CX3CR1: variants seen among roughly 807,000 people sequenced by gnomAD.
CX3CR1 encodes C-X3-C motif chemokine receptor 1, also known as CX3C chemokine receptor 1.
For synonymous variants in CX3CR1, 168 were observed against 178.5 expected (o/e 0.94, Z 0.47); for missense variants, 363 against 432.4 (o/e 0.84, Z 1.42).
At chr3:39,284,683 T>G (rs76121300), upstream of CX3CR1, among the ~76,000 whole-genome samples, 2,662 of 152,352 alleles carry the variant, frequency 0.017, 72 homozygotes, top group African/African-American at 0.06. Context: ...ATCTCTTTTT[T>G]ACTTTCACTT....
At chr3:39,292,042 T>C in the CX3CR1 span, among the ~76,000 whole-genome samples, 1 of 152,166 alleles carries the variant, frequency 6.6e-6, no homozygotes, top group African/African-American at 2.4e-5. Flanking sequence ...CTTGTGGTAA[T>C]CACATGAAGT....
At chr3:39,277,372 A>G (rs548557143) in intron 1 of CX3CR1, among the ~76,000 whole-genome samples, 139 of 152,292 alleles carry the variant, frequency 9.1e-4, no homozygotes, top group African/African-American at 3.2e-3. Flanking sequence ...AGAGAGCCCA[A>G]CTTCTCGGAA....
rs56040876 is a variant in CX3CR1 at position 39,275,943 on chromosome 3, C to T, written c.-10+4011G>A. On this transcript the variant is annotated intron_variant, in intron 1 of 1. Coordinates refer to ENST00000399220, the MANE Select transcript of CX3CR1 (RefSeq NM_001337.4). Reference sequence around the variant, plus strand: ...TCACAAAAAAAAAAAAAAAAATCTGCCGTTTGAGCTGATGTTTTAAGGATG... The same window carrying T: ...TCACAAAAAAAAAAAAAAAAATCTGTCGTTTGAGCTGATGTTTTAAGGATG... Among the ~76,000 whole-genome samples the T allele has an allele frequency of 4.1e-3, 605 of 146,708 alleles. 8 individuals are homozygous for T. Among genetic ancestry groups the T allele is most frequent in the African/African-American group, 0.014 (574 of 40,122 alleles).
Position 39,265,812 on chromosome 3 carries a change from A to G in CX3CR1, c.698T>C (p.Ile233Thr). Residue 233 changes from isoleucine to threonine, a missense_variant, in exon 2 of 2, where the codon ATC becomes ACC. Physicochemically the swap from Ile to Thr is moderately conservative, Grantham distance 89 (BLOSUM62 -1). Transcript: ENST00000399220. ...NHKKAKAIKL[I>T]LLVVIVFFLF... The stretch of plus-strand genomic sequence containing the variant: ...GAAAAACACGATGACCACCAGAAGG[A>G]TCAGTTTAATGGCTTTGGCTTTCTT... 1.2e-6 allele frequency: 2 copies of G among 1,614,150 alleles called. No homozygotes were observed. The highest frequency in any genetic ancestry group is 1.7e-6 in the Non-Finnish European group (2 of 1,179,972).
chr3:39,279,843 C>G (rs1364671334), intron 1 of CX3CR1, 111 bp downstream of exon 1: 18 of 353,702 alleles, frequency 5.1e-5, no homozygotes, highest in Non-Finnish European at 6.7e-5. Flanking sequence ...TACAACATCC[C>G]CAGGAAAATG....
rs553474922 is a variant in CX3CR1 at position 39,266,677 on chromosome 3, C to T, written c.-9-159G>A. ...CACTTGCCATCTTGTTTAATCCCCA[C>T]AACAGTCTTGTGATGAAGACTGCAA... On this transcript the variant is annotated intron_variant, in intron 1 of 1. Coordinates refer to ENST00000399220, the MANE Select transcript of CX3CR1 (RefSeq NM_001337.4). 5.2e-4 allele frequency: 419 copies of T among 798,726 alleles called. 2 individuals are homozygous for T. Among genetic ancestry groups the T allele is most frequent in the South Asian group, 4.5e-3 (336 of 74,412 alleles). The allele number at this position is 798,726 out of a possible 1,614,324, so 49.5% of individuals were successfully genotyped here.
intron 1 of CX3CR1, among the ~76,000 whole-genome samples, chr3:39,274,481 CAAA>C (rs10663570): frequency 1.1e-5 from 1 of 88,296 alleles, no homozygotes; most frequent in African/African-American, 4.5e-5. Context: ...CAACCACCAC[CAAA>C]AAAAAAAAAA....
chr3:39,278,627 A>G (rs55980947), intron 1 of CX3CR1, among the ~76,000 whole-genome samples: 2,111 of 141,894 alleles, frequency 0.015, 48 homozygotes, highest in African/African-American at 0.052. Flanking sequence ...TACCTCAAGT[A>G]TTTCAAAAAT....
At chr3:39,281,586 C>G, upstream of CX3CR1, 4 of 1,585,906 alleles carry the variant, frequency 2.5e-6, no homozygotes, top group Non-Finnish European at 1.7e-6. Context: ...TCTCCGTTCT[C>G]TGTCTTTCCT....
chr3:39,266,237 C>T lies in CX3CR1; in HGVS notation c.273G>A (p.Leu91=). The T allele has an allele frequency of 1.2e-6, 2 of 1,614,142 alleles. No individual in the cohort carries two copies. The highest frequency in any genetic ancestry group is 1.6e-4 in the Middle Eastern group (1 of 6,062). ...CATTGTGGAGGCCCTTTTCATTTAT[C>T]AAATAGTGAGTCCAGAAGGGCAAAG... ...VATLPFWTHY[L]INEKGLHNAM... The change falls in exon 2 of 2, where the codon TTG becomes TTA. Residue 91 remains leucine, a synonymous_variant. Transcript: ENST00000399220.
At chr3:39,279,508 T>C (rs1210427771) in intron 1 of CX3CR1, among the ~76,000 whole-genome samples, 1 of 152,222 alleles carries the variant, frequency 6.6e-6, no homozygotes, top group Non-Finnish European at 1.5e-5. Context: ...GGTCAATATT[T>C]CCTCTATTTC....
chr3:39,285,480 C>A (rs1471326599), upstream of CX3CR1, among the ~76,000 whole-genome samples: 1 of 152,208 alleles, frequency 6.6e-6, no homozygotes, highest in Non-Finnish European at 1.5e-5. Context: ...CATTTAACAT[C>A]ATCTGTGGCA....
chr3:39,278,411 A>G (rs1474708902), intron 1 of CX3CR1, among the ~76,000 whole-genome samples: 6 of 151,956 alleles, frequency 3.9e-5, no homozygotes, highest in Non-Finnish European at 8.8e-5. Flanking sequence ...ACCCCAATCC[A>G]CTGCCCCCAT....
At chr3:39,274,691 GAGAT>G (rs1465959147) in intron 1 of CX3CR1, among the ~76,000 whole-genome samples, 5 of 152,068 alleles carry the variant, frequency 3.3e-5, no homozygotes, top group Admixed American at 1.3e-4. Context: ...AATTAGGAAA[GAGAT>G]AGACTTGTTA....
chr3:39,283,931 T>C (rs1326947180), upstream of CX3CR1, among the ~76,000 whole-genome samples: 1 of 148,894 alleles, frequency 6.7e-6, no homozygotes, highest in Non-Finnish European at 1.5e-5. Context: ...AAAAATTTAA[T>C]TTACCTTTAC....
the CX3CR1 span, chr3:39,286,989 G>C: frequency 6.6e-6 from 1 of 152,204 alleles, no homozygotes; most frequent in African/African-American, 2.4e-5. Context: ...TAAACAGTAT[G>C]AAATTGTAGT....
At chr3:39,279,358 C>T (rs1229978487) in intron 1 of CX3CR1, among the ~76,000 whole-genome samples, 1 of 151,972 alleles carries the variant, frequency 6.6e-6, no homozygotes, top group Non-Finnish European at 1.5e-5. Context: ...ATATTAAGTG[C>T]ATTTATATTT....
intron 1 of CX3CR1, among the ~76,000 whole-genome samples, chr3:39,273,884 C>A (rs374649172): frequency 6.6e-6 from 1 of 152,150 alleles, no homozygotes; most frequent in Non-Finnish European, 1.5e-5. Context: ...CCTGCCTGGG[C>A]CTCTCAAAGT....
rs535968351 is a variant in CX3CR1 at position 39,266,191 on chromosome 3, C to T, written c.319G>A (p.Ala107Thr). The change falls in exon 2 of 2, where the codon GCC becomes ACC. Residue 107 changes from alanine to threonine, a missense_variant. Ala to Thr is a moderately conservative substitution (Grantham distance 58, BLOSUM62 0). Coordinates refer to ENST00000399220, the MANE Select transcript of CX3CR1 (RefSeq NM_001337.4). ...CCAAAAAAGCCGATGAAGAAGAAGG[C>T]GGTAGTGAATTTGCACATGGCATTG... is the stretch of plus-strand genomic sequence containing the variant. ...LHNAMCKFTT[A>T]FFFIGFFGSI... The T allele has an allele frequency of 1.9e-5, 31 of 1,614,152 alleles. 1 individual carries two copies. The highest frequency in any genetic ancestry group is 1.3e-4 in the East Asian group (6 of 44,896).
Sources: gnomAD v4.1 joint callset for allele counts (sites outside exome capture counted in the v4.1 genomes callset) on GRCh38, gnomAD v4.1.1 for gene constraint, MANE v1.5 for transcripts, NCBI Gene and HGNC (gene_info 2026-07-23, HGNC 2026-07-21) for gene names.